GNB1: variants seen among roughly 807,000 people sequenced by gnomAD.
The protein encoded by GNB1 is G protein subunit beta 1.
In GNB1, 2 loss-of-function variants were observed where a neutral mutation model predicts 42.9. That is an observed-to-expected ratio of 0.05 (90% CI 0.02 to 0.15). The LOEUF (loss-of-function observed/expected upper bound fraction) is 0.15. Ranked by LOEUF, GNB1 falls within the 10% of genes least tolerant of loss-of-function variation. The pLI is 1.00. For missense variants in GNB1, 193 were observed against 462.2 expected, an observed-to-expected ratio of 0.42 and a Z score of 5.34; for synonymous variants, 183 against 174.7, an observed-to-expected ratio of 1.05 and a Z score of -0.38.
At chr1:1,877,892 G>A (rs747471743) in intron 1 of GNB1, among the ~76,000 whole-genome samples, 48 of 152,184 alleles carry the variant, frequency 3.2e-4, no homozygotes, top group Middle Eastern at 3.2e-3. Flanking sequence ...AGTAGCCACT[G>A]ACAAAACTGT....
chr1:1,787,430 C>T lies in GNB1; in HGVS notation c.924G>A (p.Leu308=). ...DALKADRAGV[L]AGHDNRVSCL... ...AGCTGACGCGGTTGTCATGCCCAGC[C>T]AAGACACCTGGGAGCAAACAACAGC... The change falls in exon 11 of 12, where the codon TTG becomes TTA. Residue 308 remains leucine, a synonymous_variant. Transcript: ENST00000378609. This position sits in a 1 kb window ranked among gnomAD's most constrained non-coding sequence, Gnocchi z 4.4. The T allele has an allele frequency of 6.2e-7, 1 of 1,606,740 alleles. No homozygotes were observed. The highest frequency in any genetic ancestry group is 1.7e-5 in the Admixed American group (1 of 59,932).
intron 1 of GNB1, among the ~76,000 whole-genome samples, chr1:1,860,307 T>C (rs1330780758): frequency 6.6e-6 from 1 of 152,044 alleles, no homozygotes; most frequent in Non-Finnish European, 1.5e-5. Flanking sequence ...TGGCAAGAGT[T>C]GGAAAACTGA....
chr1:1,806,765 G>C (rs1646700581), intron 5 of GNB1, among the ~76,000 whole-genome samples: 1 of 152,162 alleles, frequency 6.6e-6, no homozygotes, highest in South Asian at 2.1e-4. Context: ...CATGAGGTCA[G>C]GAGTTCAAGA....
chr1:1,789,049 G>A lies in GNB1; in HGVS notation c.916+4C>T, dbSNP rs1646445336. 5 of 1,609,990 alleles carry A rather than the reference G, an allele frequency of 3.1e-6. No homozygotes were observed. Among genetic ancestry groups the A allele is most frequent in the South Asian group, 2.2e-5 (2 of 91,038 alleles). On this transcript the variant is annotated splice_donor_region_variant and intron_variant, in intron 10 of 11. Coordinates refer to ENST00000378609, the MANE Select transcript of GNB1 (RefSeq NM_002074.5). Reference sequence around the variant, plus strand: ...AGACACAGAAAGGCCCCATGGCCACGTACCTGCCCGGTCGGCTTTGAGTGC... The same window carrying A: ...AGACACAGAAAGGCCCCATGGCCACATACCTGCCCGGTCGGCTTTGAGTGC...
chr1:1,823,454 A>AT (rs1646959250), intron 3 of GNB1, among the ~76,000 whole-genome samples: 3 of 152,116 alleles, frequency 2.0e-5, no homozygotes, highest in Non-Finnish European at 4.4e-5. Context: ...GTCAGGCAAA[A>AT]TTTGAATACC....
chr1:1,865,339 C>T (rs911320145), intron 1 of GNB1, among the ~76,000 whole-genome samples: 7 of 149,288 alleles, frequency 4.7e-5, no homozygotes, highest in Non-Finnish European at 8.9e-5. Flanking sequence ...GTAATCCCAG[C>T]ACTCTGAGAG....
chr1:1,833,147 G>A (rs1367320663), intron 2 of GNB1, among the ~76,000 whole-genome samples: 3 of 152,102 alleles, frequency 2.0e-5, no homozygotes, highest in East Asian at 1.9e-4. Context: ...TGCATCTCTG[G>A]ATGGTTTGGA....
intron 3 of GNB1, among the ~76,000 whole-genome samples, chr1:1,820,827 A>G (rs910719031): frequency 9.2e-5 from 14 of 152,344 alleles, no homozygotes; most frequent in African/African-American, 3.4e-4. Flanking sequence ...GATAACTTCA[A>G]TTCAATCTTT....
chr1:1,857,170 C>CA (rs1648350697), intron 1 of GNB1, among the ~76,000 whole-genome samples: 1 of 152,180 alleles, frequency 6.6e-6, no homozygotes, highest in African/African-American at 2.4e-5. Flanking sequence ...ACCCCCACTT[C>CA]AAAAGTCTAC....
intron 3 of GNB1, chr1:1,818,490 T>C (rs983369895): frequency 6.6e-6 from 1 of 152,058 alleles, no homozygotes; most frequent in Non-Finnish European, 1.5e-5. Flanking sequence ...GGCAGGAGGA[T>C]CTCTTGAGCC....
chr1:1,825,946 T>C (rs778828697), intron 2 of GNB1, among the ~76,000 whole-genome samples: 1 of 152,120 alleles, frequency 6.6e-6, no homozygotes, highest in Non-Finnish European at 1.5e-5. Flanking sequence ...TCAGAACTTA[T>C]ACAATGGCTA....
rs1280294007 is a variant in GNB1 at position 1,787,451 on chromosome 1, A to G, written c.917-14T>C. The G allele has an allele frequency of 4.6e-6, 7 of 1,530,346 alleles. No homozygotes were observed. Among genetic ancestry groups the G allele is most frequent in the Non-Finnish European group, 6.3e-6 (7 of 1,104,288 alleles). 94.8% of individuals were successfully genotyped at this position (1,530,346 alleles called of 1,614,324 possible). On this transcript the variant is annotated splice_polypyrimidine_tract_variant and intron_variant, in intron 10 of 11. Coordinates refer to ENST00000378609, the MANE Select transcript of GNB1 (RefSeq NM_002074.5). This position sits in a 1 kb window ranked among gnomAD's most constrained non-coding sequence, Gnocchi z 4.4. The stretch of plus-strand genomic sequence containing the variant: ...CAGCCAAGACACCTGGGAGCAAACA[A>G]CAGCAGAATCACACCAAAGCCCAGA...
chr1:1,840,503 G>C (rs1647215237), intron 1 of GNB1, among the ~76,000 whole-genome samples: 1 of 152,232 alleles, frequency 6.6e-6, no homozygotes, highest in Non-Finnish European at 1.5e-5. Context: ...ACTCCAGCCT[G>C]GGTGACAGTG....
rs559155234 is a variant in GNB1, at chr1:1,825,631, G to A, written c.-46-132C>T. The A allele has an allele frequency of 6.8e-4, 391 of 577,874 alleles. 1 individual carries two copies. Among genetic ancestry groups the A allele is most frequent in the Non-Finnish European group, 1.1e-3 (332 of 315,162 alleles). 35.8% of individuals were successfully genotyped at this position (577,874 alleles called of 1,614,324 possible). A position where few individuals can be genotyped will look rare whatever the true frequency, so the allele number is the denominator to read the frequency against. Reference sequence around the variant, plus strand: ...TGTAATCCCAGCACTTTGGGAGGCCGAGGCGGGCAGATCACGAGGTCAGGA... The same window carrying A: ...TGTAATCCCAGCACTTTGGGAGGCCAAGGCGGGCAGATCACGAGGTCAGGA... On this transcript the variant is annotated intron_variant, in intron 2 of 11. Coordinates refer to ENST00000378609, the MANE Select transcript of GNB1 (RefSeq NM_002074.5).
At chr1:1,812,407 T>TACACACACAC (rs4012956) in intron 5 of GNB1, among the ~76,000 whole-genome samples, 3 of 146,224 alleles carry the variant, frequency 2.1e-5, no homozygotes, top group Admixed American at 6.8e-5. Flanking sequence ...CACACATACA[T>TACACACACAC]ACACACACAC....
intron 2 of GNB1, among the ~76,000 whole-genome samples, chr1:1,827,793 C>T (rs998247775): frequency 6.6e-6 from 1 of 152,124 alleles, no homozygotes; most frequent in African/African-American, 2.4e-5. Flanking sequence ...GCACCCCGCA[C>T]GCATAATAGA....
At chr1:1,882,602 T>C (rs1197512969) in intron 1 of GNB1, among the ~76,000 whole-genome samples, 3 of 151,600 alleles carry the variant, frequency 2.0e-5, no homozygotes, top group African/African-American at 7.3e-5. Context: ...GCTTCATAAA[T>C]GGGAGGAGGA....
Position 1,891,051 on chromosome 1 carries a change from A to G in GNB1, c.-327T>C. On this transcript the variant is annotated 5_prime_UTR_variant, in exon 1 of 12. Coordinates refer to ENST00000378609, the MANE Select transcript of GNB1 (RefSeq NM_002074.5). ...GCCGCCGCCTCCGTCCGCCCCTCAG[A>G]CGCCTCCAGCCATCGGGATGGGCGC... 6.6e-6 allele frequency: 1 copy of G among 151,734 alleles called. No individual in the cohort carries two copies. Among genetic ancestry groups the G allele is most frequent in the Non-Finnish European group, 1.5e-5 (1 of 68,564 alleles). 9.4% of individuals were successfully genotyped at this position (151,734 alleles called of 1,614,324 possible). A position where few individuals can be genotyped will look rare whatever the true frequency, so the allele number is the denominator to read the frequency against.
chr1:1,825,308 G>C (rs1646981817), intron 3 of GNB1, 89 bp downstream of exon 3: 2 of 887,574 alleles, frequency 2.3e-6, no homozygotes, highest in Admixed American at 1.7e-5. Context: ...CATAGAACAA[G>C]TCATCCTGTA....
Sources: gnomAD v4.1 joint callset for allele counts (sites outside exome capture counted in the v4.1 genomes callset) on GRCh38, gnomAD v4.1.1 for gene constraint, Gnocchi (gnomAD v3.1) non-coding constraint, MANE v1.5 for transcripts, NCBI Gene and HGNC (gene_info 2026-07-23, HGNC 2026-07-21) for gene names.